Variants in GAB4 observed in about 807,000 individuals in gnomAD.
GAB4 encodes GRB2-associated-binding protein 4.
Under a neutral mutation model 51.3 loss-of-function variants are expected in GAB4, and 26 were observed. The observed-to-expected ratio is 0.51, with a 90% CI of 0.37 to 0.70. The LOEUF (loss-of-function observed/expected upper bound fraction) is 0.70, where lower values mean the gene tolerates loss of function less well. Among genes scored for constraint, GAB4 ranks in the 30% least tolerant of loss-of-function variants. The pLI is 0.00. For synonymous variants in GAB4, 329 were observed against 291.2 expected, an observed-to-expected ratio of 1.13 and a Z score of -1.32; for missense variants, 759 against 734.6, an observed-to-expected ratio of 1.03 and a Z score of -0.38.
At chr22:16,969,687 C>T in intron 4 of GAB4, 1 of 651,360 alleles carries the variant, frequency 1.5e-6, no homozygotes, top group Non-Finnish European at 2.7e-6. Context: ...AGACCACCTG[C>T]TACTTTCACT....
At chr22:16,997,125 G>A (rs2060956632) in intron 1 of GAB4, among the ~76,000 whole-genome samples, 1 of 152,118 alleles carries the variant, frequency 6.6e-6, no homozygotes, top group African/African-American at 2.4e-5. Flanking sequence ...TGTCTTTATA[G>A]TACAATGATT....
chr22:17,002,006 T>C (rs1282787767), intron 1 of GAB4, among the ~76,000 whole-genome samples: 5 of 152,160 alleles, frequency 3.3e-5, no homozygotes, highest in Non-Finnish European at 7.3e-5. Context: ...GTTAGGGCCA[T>C]TGGAAAAGTG....
rs1230259699 is a variant in GAB4 at position 16,980,936 on chromosome 22, T to C, written c.686+7024A>G. On this transcript the variant is annotated intron_variant, in intron 3 of 9. Transcript: ENST00000400588. ...AAAACCAAACACCACATGTTCTCAC[T>C]CATAAGTAGGAGGTGAACAATGAGA... Among the ~76,000 whole-genome samples, 11 of 151,952 alleles carry C rather than the reference T, an allele frequency of 7.2e-5. No homozygotes were observed. The South Asian group carries it at 2.1e-3, about 29-fold the overall frequency.
intron 1 of GAB4, among the ~76,000 whole-genome samples, chr22:17,003,371 A>G (rs761350305): frequency 6.6e-6 from 1 of 152,222 alleles, no homozygotes; most frequent in African/African-American, 2.4e-5. Flanking sequence ...AATCAACAGA[A>G]TATACATTCT....
intron 3 of GAB4, among the ~76,000 whole-genome samples, chr22:16,983,884 T>C (rs1488423555): frequency 1.3e-5 from 2 of 152,164 alleles, no homozygotes; most frequent in African/African-American, 2.4e-5. Flanking sequence ...CTTCAAAACA[T>C]TGGTCTAGCC....
chr22:16,999,457 G>A (rs1320503055), intron 1 of GAB4, among the ~76,000 whole-genome samples: 3 of 152,178 alleles, frequency 2.0e-5, no homozygotes, highest in Non-Finnish European at 4.4e-5. Context: ...TCTGGTGGTA[G>A]TTTGTATTTC....
chr22:17,000,117 G>T (rs1306326749), intron 1 of GAB4, among the ~76,000 whole-genome samples: 1 of 152,198 alleles, frequency 6.6e-6, no homozygotes, highest in Admixed American at 6.5e-5. Context: ...TGTATATTCT[G>T]TTGATTTGGG....
chr22:17,002,496 T>C (rs549040855), intron 1 of GAB4, among the ~76,000 whole-genome samples: 2 of 151,488 alleles, frequency 1.3e-5, no homozygotes, highest in Admixed American at 6.6e-5. Flanking sequence ...CATACCAAAA[T>C]GTAAAGACCA....
intron 1 of GAB4, among the ~76,000 whole-genome samples, chr22:16,994,423 A>C (rs111659187): frequency 0.022 from 3,368 of 152,304 alleles, 58 homozygotes; most frequent in Middle Eastern, 0.068. Flanking sequence ...CACCTGAAGT[A>C]TTGCCGAGGC....
chr22:16,986,970 G>A lies in GAB4; in HGVS notation c.686+990C>T, dbSNP rs1165344713. On this transcript the variant is annotated intron_variant, in intron 3 of 9. Coordinates refer to ENST00000400588, the MANE Select transcript of GAB4 (RefSeq NM_001037814.1). Reference sequence around the variant, plus strand: ...TCAGGACAGATGTGAGGACACCTGGGTTCTAGTCCCGCCTCTACCATTTGA... The same window carrying A: ...TCAGGACAGATGTGAGGACACCTGGATTCTAGTCCCGCCTCTACCATTTGA... 2.0e-5 allele frequency among the ~76,000 whole-genome samples: 3 copies of A among 152,122 alleles called. No homozygotes were observed. In the South Asian group the frequency reaches 6.2e-4, roughly 32 times the overall value.
intron 1 of GAB4, among the ~76,000 whole-genome samples, chr22:16,994,317 C>T (rs1294833396): frequency 1.3e-5 from 2 of 152,134 alleles, no homozygotes; most frequent in Non-Finnish European, 2.9e-5. Flanking sequence ...ATAAACCGTA[C>T]CCAATAAGCC....
At position 16,964,776 on chromosome 22, in the gene GAB4, T is replaced by C. The variant is rs1350167622; in HGVS notation, c.1466A>G (p.Tyr489Cys). The C allele has an allele frequency of 1.1e-5, 18 of 1,612,340 alleles. No homozygotes were observed. The highest frequency in any genetic ancestry group is 1.4e-5 in the Non-Finnish European group (16 of 1,178,554). ...NTDSEDSGER[Y>C]LFPNPASAFP... The stretch of plus-strand genomic sequence containing the variant: ...CCCCCAAGGACTCACCGGGAAAAGA[T>C]ACCTCTCTCCACTGTCTTCTGAGTC... The change falls in exon 8 of 10, where the codon TAT (tyrosine) becomes TGT (cysteine). Residue 489 changes from tyrosine to cysteine, a missense_variant. Coordinates refer to ENST00000400588, the MANE Select transcript of GAB4 (RefSeq NM_001037814.1).
rs534612451 is a variant in GAB4, at chr22:16,996,974, C to T, written c.175-4798G>A. Among the ~76,000 whole-genome samples the T allele has an allele frequency of 2.8e-4, 42 of 152,162 alleles. 1 individual carries two copies. The South Asian group carries it at 8.3e-3, about 30-fold the overall frequency. ...ATGGATTCCAGCTTCATCCATGGCCCTACAAAGGACATGAACTCATCATTT... is the reference window on the plus strand; with the variant it reads ...ATGGATTCCAGCTTCATCCATGGCCTTACAAAGGACATGAACTCATCATTT... On this transcript the variant is annotated intron_variant, in intron 1 of 9. Transcript: ENST00000400588.
At chr22:16,962,991 C>T in intron 9 of GAB4, 115 bp from the exon 10 acceptor site, 1 of 977,746 alleles carries the variant, frequency 1.0e-6, no homozygotes, top group African/African-American at 1.6e-5. Flanking sequence ...ACCTCTGCCT[C>T]CTGCTCTCAG....
rs2060640633 is a variant in GAB4, at chr22:16,962,890, GGTGGAAGTGGGA to G, written c.1582-26_1582-15del. The G allele has an allele frequency of 1.9e-6, 3 of 1,606,692 alleles. No individual in the cohort carries two copies. The highest frequency in any genetic ancestry group is 2.6e-6 in the Non-Finnish European group (3 of 1,174,946). ...GCCTATGGATGGCTGAGGGACAGAG[GGTGGAAGTGGGA>G]GTGGCAGTGTCTGTGAGTTCCTGGT... On this transcript the variant is annotated splice_polypyrimidine_tract_variant and intron_variant, in intron 9 of 9. Coordinates refer to ENST00000400588, the MANE Select transcript of GAB4 (RefSeq NM_001037814.1).
intron 8 of GAB4, 45 bp from the exon 9 acceptor site, chr22:16,963,874 A>G (rs1398075133): frequency 6.8e-7 from 1 of 1,480,252 alleles, no homozygotes; most frequent in African/African-American, 1.4e-5. Context: ...TTCAGGACAC[A>G]GACCCAGCAC....
intron 3 of GAB4, among the ~76,000 whole-genome samples, chr22:16,974,091 T>C (rs2032502203): frequency 6.6e-6 from 1 of 152,228 alleles, no homozygotes; most frequent in African/African-American, 2.4e-5. Context: ...CCCTGCTCAA[T>C]CCCTGCTGCA....
intron 3 of GAB4, among the ~76,000 whole-genome samples, chr22:16,980,546 T>C (rs373683660): frequency 8.6e-4 from 131 of 152,332 alleles, no homozygotes; most frequent in African/African-American, 3.1e-3. Context: ...GGAACACTTT[T>C]ACACTGTTGG....
chr22:16,963,821 T>C lies in GAB4; in HGVS notation c.1485A>G (p.Ala495=), dbSNP rs1358015084. The change falls in exon 9 of 10, where the codon GCA becomes GCG. Residue 495 remains alanine (A), a synonymous_variant. Transcript: ENST00000400588. ...SGERYLFPNP[A]SAFPVSGGTS... is the part of the protein sequence containing the mutation. ...TGCCACCGGAAACAGGAAATGCAGA[T>C]GCCGGGTTCTGCTGTCACAAGGAGG... 2 of 1,613,324 alleles carry C rather than the reference T, an allele frequency of 1.2e-6. No homozygotes were observed. The highest frequency in any genetic ancestry group is 1.7e-4 in the Middle Eastern group (1 of 5,998).
Sources: gnomAD v4.1 joint callset for allele counts (sites outside exome capture counted in the v4.1 genomes callset) on GRCh38, gnomAD v4.1.1 for gene constraint, MANE v1.5 for transcripts, NCBI Gene and HGNC (gene_info 2026-07-23, HGNC 2026-07-21) for gene names.